Variants in BRD8 observed in about 807,000 individuals in gnomAD.
BRD8 encodes the protein bromodomain containing 8.
In BRD8, 67 loss-of-function variants were observed where a neutral mutation model predicts 143.1. That is an observed-to-expected ratio of 0.47 (90% CI 0.38 to 0.57). The LOEUF (loss-of-function observed/expected upper bound fraction) is 0.57, where lower values mean the gene tolerates loss of function less well. BRD8 is among the 20% of genes least tolerant of loss of function. BRD8 has a pLI of 0.00. For synonymous variants in BRD8, 505 were observed against 517.1 expected (o/e 0.98, Z 0.32); for missense variants, 1,103 against 1,503.0 (o/e 0.73, Z 4.40).
intron 21 of BRD8, among the ~76,000 whole-genome samples, chr5:138,151,893 C>T (rs1016118692): frequency 6.6e-6 from 1 of 150,556 alleles, no homozygotes; most frequent in African/African-American, 2.5e-5. Context: ...TTCGCTCTGT[C>T]GCCCAGGCTG....
chr5:138,169,219 C>T lies in BRD8; in HGVS notation c.642+3G>A. The T allele has an allele frequency of 6.2e-7, 1 of 1,612,880 alleles. No homozygotes were observed. Among genetic ancestry groups the T allele is most frequent in the African/African-American group, 1.3e-5 (1 of 75,018 alleles). On this transcript the variant is annotated splice_donor_region_variant and intron_variant, in intron 8 of 26. Coordinates refer to ENST00000254900, the MANE Select transcript of BRD8 (RefSeq NM_139199.2). ...CAATTCCCACAGATGGAAATATACT[C>T]ACCCCAGAGGTAGCCTCTTCCATAG...
Position 138,166,711 on chromosome 5 carries a change from G to C in BRD8, c.804C>G (p.Ser268=). 1 of 1,608,726 alleles carries C rather than the reference G, an allele frequency of 6.2e-7. No individual in the cohort carries two copies. The highest frequency in any genetic ancestry group is 8.5e-7 in the Non-Finnish European group (1 of 1,175,504). The change falls in exon 10 of 27, where the codon TCC becomes TCG. Residue 268 remains serine (S), a synonymous_variant. Transcript: ENST00000254900. ...SPAASGAPTL[S]RLLEAGPTQF... ...GTGTAGGACCAGCTTCTAAAAGCCGGGAAAGAGTGGGAGCACCTAACATAT... is the reference window on the plus strand; with the variant it reads ...GTGTAGGACCAGCTTCTAAAAGCCGCGAAAGAGTGGGAGCACCTAACATAT...
At chr5:138,142,640 G>A (rs999802727) in intron 25 of BRD8, among the ~76,000 whole-genome samples, 1 of 151,748 alleles carries the variant, frequency 6.6e-6, no homozygotes, top group Non-Finnish European at 1.5e-5. Context: ...ACGTGTGCCT[G>A]TGGTTCCAGC....
At chr5:138,168,706 A>C (rs1262095427) in intron 8 of BRD8, 7 of 1,295,242 alleles carry the variant, frequency 5.4e-6, no homozygotes, top group Non-Finnish European at 7.8e-6. Context: ...ACAACAGAGA[A>C]CCTTTATCTG....
intron 17 of BRD8, chr5:138,161,358 C>T (rs957467871): frequency 3.4e-5 from 10 of 298,138 alleles, no homozygotes; most frequent in African/African-American, 1.3e-4. Flanking sequence ...ACTGCAGCCT[C>T]GAACTTCCAG....
chr5:138,153,321 A>C (rs528575705), intron 20 of BRD8, among the ~76,000 whole-genome samples: 6 of 151,766 alleles, frequency 4.0e-5, no homozygotes, highest in Non-Finnish European at 5.9e-5. Flanking sequence ...TTACACCACT[A>C]TCTTGGTTTT....
In BRD8 at chr5:138,161,099, TG is replaced by T. The variant is rs771972885; in HGVS notation, c.2250-32del. The T allele has an allele frequency of 3.8e-6, 6 of 1,573,670 alleles. No individual in the cohort carries two copies. The Admixed American group carries it at 1.1e-4, about 28-fold the overall frequency. On this transcript the variant is annotated intron_variant, in intron 17 of 26. Coordinates refer to ENST00000254900, the MANE Select transcript of BRD8 (RefSeq NM_139199.2). ...AAAAAAGAACAGGGGTAAGTAGCAG[TG>T]GGGATGGAAAGAGGACGCACCTAGA...
chr5:138,164,035 T>C, intron 14 of BRD8, 52 bp downstream of exon 14: 1 of 1,562,034 alleles, frequency 6.4e-7, no homozygotes, highest in Non-Finnish European at 8.8e-7. Context: ...AAAGTAGTGC[T>C]ATAGGGAAAT....
At chr5:138,171,281 T>C in intron 4 of BRD8, 80 bp downstream of exon 4, 2 of 1,423,086 alleles carry the variant, frequency 1.4e-6, no homozygotes, top group South Asian at 1.2e-5. Flanking sequence ...TCCAGTATCA[T>C]AACTAAGTAT....
At chr5:138,177,477 C>T (rs1397520495) in intron 2 of BRD8, 94 bp downstream of exon 2, 6 of 763,268 alleles carry the variant, frequency 7.9e-6, no homozygotes, top group Non-Finnish European at 1.3e-5. Flanking sequence ...AGTCTACTTA[C>T]AGCTTAATAT....
At chr5:138,159,931 C>A in intron 19 of BRD8, 138 bp downstream of exon 19, 1 of 675,524 alleles carries the variant, frequency 1.5e-6, no homozygotes, top group Non-Finnish European at 2.6e-6. Flanking sequence ...TGCAAACCAC[C>A]ATCATTCTAA....
At position 138,163,001 on chromosome 5, in the gene BRD8, G is replaced by GAAGGA. The variant is rs533786705; in HGVS notation, c.2087+124_2087+128dup. ...GGGTGAGTGAGAACAAGAAAAAAGA[G>GAAGGA]AAGGAAAGGAAAGGAAAGGAAAGGG... On this transcript the variant is annotated intron_variant, in intron 15 of 26. Coordinates refer to ENST00000254900, the MANE Select transcript of BRD8 (RefSeq NM_139199.2). 54 of 836,130 alleles carry GAAGGA rather than the reference G, an allele frequency of 6.5e-5. No homozygotes were observed. In the Middle Eastern group the frequency reaches 1.1e-3, roughly 17 times the overall value. 51.8% of individuals were successfully genotyped at this position (836,130 alleles called of 1,614,324 possible). A position where few individuals can be genotyped will look rare whatever the true frequency, so the allele number is the denominator to read the frequency against.
In BRD8 at chr5:138,165,056, G is replaced by C. The variant is rs1371632782; in HGVS notation, c.1389C>G (p.Ile463Met). ...GTACTGGCTTGTCCCGCTCCTGCTG[G>C]ATAGGATGCTCCCAGGGGCCAGGCA... ...QSLPGPWEHPIQQERDKPVPL... is the reference protein window; with the variant it reads ...QSLPGPWEHPMQQERDKPVPL... Residue 463 changes from isoleucine (I) to methionine (M), a missense_variant, in exon 12 of 27, where the codon ATC becomes ATG. Transcript: ENST00000254900. 4 of 1,614,008 alleles carry C rather than the reference G, an allele frequency of 2.5e-6. No homozygotes were observed. The highest frequency in any genetic ancestry group is 2.7e-5 in the African/African-American group (2 of 74,902).
chr5:138,161,561 C>T (rs915186640), intron 17 of BRD8, among the ~76,000 whole-genome samples: 3 of 152,144 alleles, frequency 2.0e-5, no homozygotes, highest in Admixed American at 6.5e-5. Context: ...AGTGATTCAC[C>T]CACCTCAGCA....
At chr5:138,161,722 G>A (rs1383312996) in intron 17 of BRD8, 74 bp downstream of exon 17, 7 of 1,487,788 alleles carry the variant, frequency 4.7e-6, no homozygotes, top group South Asian at 1.2e-5. Context: ...ACTTTCTATC[G>A]AAAGCAAAAC....
rs776800855 is a variant in BRD8, at chr5:138,170,848, A to G, written c.424T>C (p.Cys142Arg). ...GHMDSRLDELCNDIATKKKLE... is the reference protein window; with the variant it reads ...GHMDSRLDELRNDIATKKKLE... Reference sequence around the variant, plus strand: ...ATAACCCACGTTGCAATGTCATTGCAAAGCTCATCCAGTCTGCTGTCCATG... The same window carrying G: ...ATAACCCACGTTGCAATGTCATTGCGAAGCTCATCCAGTCTGCTGTCCATG... Residue 142 changes from cysteine (C) to arginine (R), a missense_variant, in exon 6 of 27, where the codon TGC (cysteine) becomes CGC (arginine). This residue lies in a region of BRD8 where 334 missense variants were observed against 372.5 expected (regional missense o/e 0.90). Transcript: ENST00000254900. 6.2e-7 allele frequency: 1 copy of G among 1,614,176 alleles called. No individual in the cohort carries two copies. The highest frequency in any genetic ancestry group is 1.7e-5 in the Admixed American group (1 of 60,026).
intron 20 of BRD8, 34 bp downstream of exon 20, chr5:138,159,521 G>C: frequency 6.2e-7 from 1 of 1,611,420 alleles, no homozygotes; most frequent in Non-Finnish European, 8.5e-7. Flanking sequence ...AATCTTTGTG[G>C]CAACACCACC....
At chr5:138,167,098 A>AC (rs1490106055) in intron 9 of BRD8, among the ~76,000 whole-genome samples, 2 of 147,322 alleles carry the variant, frequency 1.4e-5, no homozygotes, top group Admixed American at 6.7e-5. Flanking sequence ...ATACAAAAAA[A>AC]AAAAAAAAAA....
chr5:138,149,577 G>T (rs992308427), intron 23 of BRD8, 63 bp downstream of exon 23: 39 of 1,361,236 alleles, frequency 2.9e-5, no homozygotes, highest in Admixed American at 5.3e-5. Context: ...TCCATTTCAT[G>T]ATTCAAATAG....
Sources: gnomAD v4.1 joint callset for allele counts (sites outside exome capture counted in the v4.1 genomes callset) on GRCh38, gnomAD v4.1.1 for gene constraint, gnomAD v4.1.1 regional missense constraint, MANE v1.5 for transcripts, NCBI Gene and HGNC (gene_info 2026-07-23, HGNC 2026-07-21) for gene names.